Variants in SLC6A15 observed in about 807,000 individuals in gnomAD.
The protein encoded by SLC6A15 is solute carrier family 6 member 15.
In SLC6A15, 33 loss-of-function variants were observed where a neutral mutation model predicts 68.5. The observed-to-expected ratio is 0.48, with a 90% CI of 0.37 to 0.64. The LOEUF (loss-of-function observed/expected upper bound fraction) is 0.64, where lower values mean the gene tolerates loss of function less well. Ranked by LOEUF, SLC6A15 falls within the 30% of genes least tolerant of loss-of-function variation. The pLI is 0.00. For missense variants in SLC6A15, 747 were observed against 874.3 expected, an observed-to-expected ratio of 0.85 and a Z score of 1.84; for synonymous variants, 347 against 301.0, an observed-to-expected ratio of 1.15 and a Z score of -1.58.
chr12:84,881,951 A>T (rs1047439976), intron 5 of SLC6A15: 1 of 984,694 alleles, frequency 1.0e-6, no homozygotes, highest in Non-Finnish European at 1.2e-6. Flanking sequence ...TATTGCCCAA[A>T]TACTAGTCTT....
chr12:84,886,364 A>T (rs935723073), intron 2 of SLC6A15, among the ~76,000 whole-genome samples: 1 of 152,086 alleles, frequency 6.6e-6, no homozygotes, highest in Non-Finnish European at 1.5e-5. Context: ...AAAATAATTG[A>T]TTATTTAAAA....
intron 2 of SLC6A15, among the ~76,000 whole-genome samples, chr12:84,891,622 C>T (rs1349472899): frequency 6.6e-6 from 1 of 152,146 alleles, no homozygotes; most frequent in Non-Finnish European, 1.5e-5. Flanking sequence ...CTTAAGCAAT[C>T]CCTGAGCATT....
intron 1 of SLC6A15, among the ~76,000 whole-genome samples, chr12:84,906,081 A>C (rs1873137394): frequency 6.6e-6 from 1 of 152,206 alleles, no homozygotes; most frequent in African/African-American, 2.4e-5. Flanking sequence ...TACCTTCTAG[A>C]GTAATAGTCC....
chr12:84,897,847 G>A (rs1209638535), intron 1 of SLC6A15, among the ~76,000 whole-genome samples: 2 of 152,066 alleles, frequency 1.3e-5, no homozygotes, highest in Non-Finnish European at 2.9e-5. Context: ...AAAGATCTTA[G>A]TAAAGAGGAG....
chr12:84,879,856 A>T (rs1208830702), intron 5 of SLC6A15, among the ~76,000 whole-genome samples: 1 of 152,196 alleles, frequency 6.6e-6, no homozygotes, highest in African/African-American at 2.4e-5. Context: ...TCAGTGCCTG[A>T]CAAATAGCAG....
chr12:84,874,215 A>T (rs1392690354), intron 6 of SLC6A15, among the ~76,000 whole-genome samples: 1 of 152,186 alleles, frequency 6.6e-6, no homozygotes, highest in Non-Finnish European at 1.5e-5. Flanking sequence ...TGATTCTGCC[A>T]TTTAGTAATT....
At chr12:84,888,390 A>G (rs1872222410) in intron 2 of SLC6A15, among the ~76,000 whole-genome samples, 1 of 152,208 alleles carries the variant, frequency 6.6e-6, no homozygotes, top group African/African-American at 2.4e-5. Context: ...TGAGTGGATA[A>G]AGAAAAGGTG....
At chr12:84,899,542 A>T (rs962608623) in intron 1 of SLC6A15, among the ~76,000 whole-genome samples, 1 of 152,042 alleles carries the variant, frequency 6.6e-6, no homozygotes, top group Non-Finnish European at 1.5e-5. Context: ...TTTCCATTTC[A>T]TTGCCAAGCA....
chr12:84,865,436 T>C (rs1871025248), intron 10 of SLC6A15, among the ~76,000 whole-genome samples: 2 of 152,330 alleles, frequency 1.3e-5, no homozygotes, highest in African/African-American at 2.4e-5. Context: ...TTGGTTACAA[T>C]TGATGAACCT....
chr12:84,891,917 T>C lies in SLC6A15; in HGVS notation c.204A>G (p.Leu68=), dbSNP rs745756121. 8.1e-6 allele frequency: 13 copies of C among 1,613,968 alleles called. No homozygotes were observed. The South Asian group carries it at 1.4e-4, about 18-fold the overall frequency. Residue 68 remains leucine, a synonymous_variant, in exon 2 of 12, where the codon CTA becomes CTG. Transcript: ENST00000266682. ...ATCCAACTTGGGCCAGGATGTATTGTAGTTTACTGTTCCAAGCTGGTCTTT... is the reference window on the plus strand; with the variant it reads ...ATCCAACTTGGGCCAGGATGTATTGCAGTTTACTGTTCCAAGCTGGTCTTT... ...EDERPAWNSK[L]QYILAQVGFS... is the part of the protein sequence containing the mutation.
At chr12:84,892,464 T>C (rs1872456422) in intron 1 of SLC6A15, among the ~76,000 whole-genome samples, 156 bp from the exon 2 acceptor site, 1 of 152,186 alleles carries the variant, frequency 6.6e-6, no homozygotes, top group Non-Finnish European at 1.5e-5. Context: ...CCCGTAAGTA[T>C]AAGAATTTTA....
intron 6 of SLC6A15, among the ~76,000 whole-genome samples, chr12:84,876,175 G>A (rs2120594206): frequency 6.6e-6 from 1 of 151,706 alleles, no homozygotes; most frequent in South Asian, 2.1e-4. Flanking sequence ...AAATAAAGGG[G>A]AAAGAGTTAA....
At chr12:84,879,868 T>C (rs538989667) in intron 5 of SLC6A15, among the ~76,000 whole-genome samples, 27 of 152,348 alleles carry the variant, frequency 1.8e-4, no homozygotes, top group Non-Finnish European at 3.1e-4. Flanking sequence ...AAATAGCAGA[T>C]ATTCAAATAT....
intron 4 of SLC6A15, among the ~76,000 whole-genome samples, chr12:84,884,765 A>C (rs992794840): frequency 2.6e-5 from 4 of 152,084 alleles, no homozygotes; most frequent in Non-Finnish European, 4.4e-5. Flanking sequence ...TACAAATGTG[A>C]AATTTGAACT....
At chr12:84,909,745 T>C (rs1486362727) in intron 1 of SLC6A15, among the ~76,000 whole-genome samples, 1 of 152,148 alleles carries the variant, frequency 6.6e-6, no homozygotes, top group African/African-American at 2.4e-5. Context: ...CATTGAGAAG[T>C]GAAAGAAAAG....
intron 1 of SLC6A15, among the ~76,000 whole-genome samples, chr12:84,905,114 A>C (rs1873077495): frequency 6.6e-6 from 1 of 152,208 alleles, no homozygotes; most frequent in Non-Finnish European, 1.5e-5. Context: ...ATAGTAAAAA[A>C]TAAAAAACTA....
At position 84,859,550 on chromosome 12, in the gene SLC6A15, G is replaced by T. The variant is rs1870759187; in HGVS notation, c.*2082C>A. ...ATATTTATATACATCAAAACAGCAT[G>T]TTGTACACCTTAGATGTATACTTTT... On this transcript the variant is annotated 3_prime_UTR_variant, in exon 12 of 12. Transcript: ENST00000266682. 1 of 150,794 alleles carries T rather than the reference G, an allele frequency of 6.6e-6. No homozygotes were observed. The highest frequency in any genetic ancestry group is 2.1e-4 in the South Asian group (1 of 4,796). The allele number at this position is 150,794 out of a possible 1,614,324, so 9.3% of individuals were successfully genotyped here. A position where few individuals can be genotyped will look rare whatever the true frequency, so the allele number is the denominator to read the frequency against.
In SLC6A15 at chr12:84,861,514, C is replaced by A; in HGVS notation, c.*118G>T. On this transcript the variant is annotated 3_prime_UTR_variant, in exon 12 of 12. Coordinates refer to ENST00000266682, the MANE Select transcript of SLC6A15 (RefSeq NM_182767.6). ...GACATATACTGTTAGGATTAAAGAT[C>A]ACAGCCACGGAACACCTGAGATTGC... is the stretch of plus-strand genomic sequence containing the variant. 3 of 1,170,652 alleles carry A rather than the reference C, an allele frequency of 2.6e-6. No individual in the cohort carries two copies. Among genetic ancestry groups the A allele is most frequent in the Non-Finnish European group, 3.6e-6 (3 of 829,766 alleles). 72.5% of individuals were successfully genotyped at this position (1,170,652 alleles called of 1,614,324 possible). A position where few individuals can be genotyped will look rare whatever the true frequency, so the allele number is the denominator to read the frequency against.
intron 6 of SLC6A15, among the ~76,000 whole-genome samples, 168 bp from the exon 7 acceptor site, chr12:84,873,496 C>G (rs112866332): frequency 6.6e-6 from 1 of 152,008 alleles, no homozygotes; most frequent in Non-Finnish European, 1.5e-5. Flanking sequence ...TTTTAGGAAA[C>G]AAATAATTAT....
Sources: gnomAD v4.1 joint callset for allele counts (sites outside exome capture counted in the v4.1 genomes callset) on GRCh38, gnomAD v4.1.1 for gene constraint, MANE v1.5 for transcripts, NCBI Gene and HGNC (gene_info 2026-07-23, HGNC 2026-07-21) for gene names.